CGNL1: variants seen among roughly 807,000 people sequenced by gnomAD.
CGNL1 encodes the protein cingulin-like protein 1.
CGNL1 carries 132 observed loss-of-function variants against 141.2 expected under a neutral mutation model. That is an observed-to-expected ratio of 0.93 (90% CI 0.81 to 1.08). The LOEUF (loss-of-function observed/expected upper bound fraction) is 1.08, where lower values mean the gene tolerates loss of function less well. Ranked by LOEUF, CGNL1 falls within the 50% of genes least tolerant of loss-of-function variation. The pLI is 0.00. For missense variants in CGNL1, 1,870 were observed against 1,588.6 expected (o/e 1.18, Z -3.01); for synonymous variants, 690 against 622.1 (o/e 1.11, Z -1.63).
intron 8 of CGNL1, among the ~76,000 whole-genome samples, chr15:57,472,860 T>C (rs138243462): frequency 6.6e-6 from 1 of 152,354 alleles, no homozygotes; most frequent in African/African-American, 2.4e-5. Flanking sequence ...TTTATTTGTT[T>C]CTTGCCTAAT....
intron 14 of CGNL1, among the ~76,000 whole-genome samples, chr15:57,539,572 G>A (rs1049711623): frequency 1.3e-5 from 2 of 152,186 alleles, no homozygotes; most frequent in Non-Finnish European, 2.9e-5. Context: ...GAGAAGTGTG[G>A]TGTCTATTCC....
At chr15:57,510,922 C>T (rs150894474) in intron 8 of CGNL1, among the ~76,000 whole-genome samples, 75 of 152,282 alleles carry the variant, frequency 4.9e-4, no homozygotes, top group South Asian at 1.7e-3. Flanking sequence ...GCTCCGGCTC[C>T]GCTATCTTTC....
chr15:57,496,352 G>T (rs1479177453), intron 8 of CGNL1, among the ~76,000 whole-genome samples: 2 of 152,138 alleles, frequency 1.3e-5, no homozygotes, highest in Admixed American at 1.3e-4. Flanking sequence ...CTCAGGCCAT[G>T]GACTGGTATA....
intron 16 of CGNL1, 140 bp from the exon 17 acceptor site, chr15:57,545,452 G>A: frequency 3.1e-6 from 2 of 648,396 alleles, no homozygotes; most frequent in Non-Finnish European, 5.3e-6. Flanking sequence ...TTTTTCTGCT[G>A]TGAAGTTGTG....
intron 1 of CGNL1, among the ~76,000 whole-genome samples, chr15:57,401,047 A>G (rs2062655494): frequency 6.6e-6 from 1 of 151,774 alleles, no homozygotes; most frequent in Non-Finnish European, 1.5e-5. Flanking sequence ...GTAACTTTAT[A>G]TTTTTTACAG....
intron 8 of CGNL1, among the ~76,000 whole-genome samples, chr15:57,505,609 C>T (rs1239830043): frequency 6.6e-6 from 1 of 152,142 alleles, no homozygotes; most frequent in East Asian, 1.9e-4. Flanking sequence ...GGTGTCTTAA[C>T]CCTGTGGGTA....
chr15:57,539,984 C>T (rs2032476423), intron 14 of CGNL1, among the ~76,000 whole-genome samples: 1 of 152,182 alleles, frequency 6.6e-6, no homozygotes, highest in Non-Finnish European at 1.5e-5. Flanking sequence ...ACTTGCTTTC[C>T]TAAGCACAAT....
chr15:57,385,184 C>T (rs2062469434), intron 1 of CGNL1, among the ~76,000 whole-genome samples: 1 of 152,160 alleles, frequency 6.6e-6, no homozygotes, highest in Admixed American at 6.5e-5. Flanking sequence ...TGGTAAGGTT[C>T]AAGTCCACCA....
Position 57,523,428 on chromosome 15 carries a change from C to A in CGNL1, c.2716-61C>A, listed in dbSNP as rs896472703. ...TGTGACTATGAAGTTCCCTGTGCCA[C>A]CCGTTCCTGTGGCTACCTGGTTAGT... On this transcript the variant is annotated intron_variant, in intron 10 of 18. Transcript: ENST00000281282. The A allele has an allele frequency of 8.4e-6, 13 of 1,553,046 alleles. No individual in the cohort carries two copies. The African/African-American group carries it at 1.5e-4, about 18-fold the overall frequency.
intron 8 of CGNL1, among the ~76,000 whole-genome samples, chr15:57,514,573 G>A (rs1236575125): frequency 6.6e-6 from 1 of 151,810 alleles, no homozygotes; most frequent in Non-Finnish European, 1.5e-5. Context: ...GACTTTCTTG[G>A]TGGCATCATT....
At chr15:57,378,363 GTTTTTTTTTTTT>G (rs71116514) in intron 1 of CGNL1, among the ~76,000 whole-genome samples, 3 of 33,918 alleles carry the variant, frequency 8.8e-5, no homozygotes, top group Non-Finnish European at 1.1e-4. Context: ...CCCTCTATGT[GTTTTTTTTTTTT>G]TTTTTTTTTT....
intron 14 of CGNL1, among the ~76,000 whole-genome samples, chr15:57,538,019 C>G (rs191188959): frequency 6.6e-6 from 1 of 152,222 alleles, no homozygotes; most frequent in East Asian, 1.9e-4. Context: ...CGCCACCCCC[C>G]GCCCCAGGGC....
intron 8 of CGNL1, among the ~76,000 whole-genome samples, chr15:57,515,070 G>T (rs1567163672): frequency 6.6e-6 from 1 of 152,012 alleles, no homozygotes; most frequent in Non-Finnish European, 1.5e-5. Context: ...TCTTTCCCTG[G>T]TCTGACCAGT....
At chr15:57,401,615 A>G (rs1362299850) in intron 1 of CGNL1, among the ~76,000 whole-genome samples, 2 of 152,200 alleles carry the variant, frequency 1.3e-5, no homozygotes, top group Non-Finnish European at 2.9e-5. Context: ...TCCTTGAAGA[A>G]TCATTTCATT....
chr15:57,450,379 C>A (rs1414649575), intron 4 of CGNL1, among the ~76,000 whole-genome samples: 1 of 152,164 alleles, frequency 6.6e-6, no homozygotes, highest in Non-Finnish European at 1.5e-5. Flanking sequence ...TGGGTTCAAG[C>A]GATTCTTCTG....
At chr15:57,442,182 GAAAA>G (rs61564944) in intron 3 of CGNL1, among the ~76,000 whole-genome samples, 187 bp from the exon 4 acceptor site, 118 of 96,510 alleles carry the variant, frequency 1.2e-3, no homozygotes, top group East Asian at 2.1e-3. Context: ...TCATTTATTT[GAAAA>G]AAAAAAAAAA....
At chr15:57,460,030 A>G (rs1297807641) in intron 7 of CGNL1, among the ~76,000 whole-genome samples, 2 of 152,216 alleles carry the variant, frequency 1.3e-5, no homozygotes, top group Non-Finnish European at 2.9e-5. Context: ...AGCTTGCTAA[A>G]AGAGAATAAA....
intron 1 of CGNL1, among the ~76,000 whole-genome samples, chr15:57,431,425 A>C (rs1213643541): frequency 6.6e-6 from 1 of 152,248 alleles, no homozygotes; most frequent in Admixed American, 6.5e-5. Flanking sequence ...AGCTCAGTTT[A>C]GGTAAGGCTG....
At chr15:57,498,890 G>A (rs140006363) in intron 8 of CGNL1, among the ~76,000 whole-genome samples, 38 of 151,942 alleles carry the variant, frequency 2.5e-4, no homozygotes, top group Non-Finnish European at 2.4e-4. Flanking sequence ...GGAGTGTGGT[G>A]TGAGATGGGG....
Sources: gnomAD v4.1 joint callset for allele counts (sites outside exome capture counted in the v4.1 genomes callset) on GRCh38, gnomAD v4.1.1 for gene constraint, MANE v1.5 for transcripts, NCBI Gene and HGNC (gene_info 2026-07-23, HGNC 2026-07-21) for gene names.